DSCAML1: variants seen among roughly 807,000 people sequenced by gnomAD.
DSCAML1 encodes the protein DS cell adhesion molecule like 1, also known as cell adhesion molecule DSCAML1.
DSCAML1 carries 38 observed loss-of-function variants against 200.5 expected under a neutral mutation model. The observed-to-expected ratio is 0.19, with a 90% CI of 0.15 to 0.25. The LOEUF (loss-of-function observed/expected upper bound fraction) is 0.25. Among genes scored for constraint, DSCAML1 ranks in the 10% least tolerant of loss-of-function variants. DSCAML1 has a pLI of 1.00. For missense variants in DSCAML1, 2,223 were observed against 2,858.8 expected, an observed-to-expected ratio of 0.78 and a Z score of 5.07; for synonymous variants, 1,215 against 1,165.0, an observed-to-expected ratio of 1.04 and a Z score of -0.87.
At chr11:117,741,440 T>C (rs980224915) in intron 3 of DSCAML1, among the ~76,000 whole-genome samples, 12 of 152,252 alleles carry the variant, frequency 7.9e-5, no homozygotes, top group Admixed American at 5.9e-4. Flanking sequence ...ATGGAGCAGA[T>C]GCCCACTGCC....
chr11:117,756,574 C>T (rs529337938), intron 3 of DSCAML1, among the ~76,000 whole-genome samples: 1 of 152,118 alleles, frequency 6.6e-6, no homozygotes, highest in Admixed American at 6.5e-5. Context: ...TGTAGCTCCT[C>T]AGAGGCAGAG....
intron 8 of DSCAML1, among the ~76,000 whole-genome samples, chr11:117,507,941 C>A (rs1488693234): frequency 6.6e-6 from 1 of 152,150 alleles, no homozygotes; most frequent in Non-Finnish European, 1.5e-5. Flanking sequence ...TTCTCTGGAG[C>A]CCTGACTCTA....
At chr11:117,757,425 A>C (rs1311899479) in intron 3 of DSCAML1, among the ~76,000 whole-genome samples, 1 of 152,190 alleles carries the variant, frequency 6.6e-6, no homozygotes, top group Non-Finnish European at 1.5e-5. Context: ...GATATCCCAA[A>C]GACCCTGCAT....
intron 20 of DSCAML1, 55 bp from the exon 21 acceptor site, chr11:117,444,094 C>T: frequency 6.4e-7 from 1 of 1,552,584 alleles, no homozygotes; most frequent in East Asian, 2.3e-5. Flanking sequence ...CCTCCAGCGT[C>T]CAAATCTTCC....
intron 3 of DSCAML1, among the ~76,000 whole-genome samples, chr11:117,689,598 T>C (rs2053461397): frequency 2.0e-5 from 3 of 152,036 alleles, no homozygotes; most frequent in Admixed American, 6.5e-5. Flanking sequence ...AGATGGGACA[T>C]AGAGTGGGGG....
In DSCAML1 at chr11:117,680,735, C is replaced by T. The variant is rs114351538; in HGVS notation, c.511+96056G>A. The stretch of plus-strand genomic sequence containing the variant: ...AGGCTTCCCAAATCCTTCCGCTTTG[C>T]CAAGGAAAGATCAAACAGGGTACCT... On this transcript the variant is annotated intron_variant, in intron 3 of 32. Transcript: ENST00000651296. Among the ~76,000 whole-genome samples the T allele has an allele frequency of 1.2e-3, 189 of 152,312 alleles. 2 individuals carry two copies. The highest frequency in any genetic ancestry group is 4.4e-3 in the African/African-American group (181 of 41,562).
chr11:117,474,176 G>A (rs546558456), intron 14 of DSCAML1, among the ~76,000 whole-genome samples: 1 of 152,304 alleles, frequency 6.6e-6, no homozygotes, highest in South Asian at 2.1e-4. Flanking sequence ...TGCGACATCA[G>A]TGCTCCATCT....
intron 8 of DSCAML1, among the ~76,000 whole-genome samples, chr11:117,509,773 T>C (rs1448162503): frequency 1.3e-5 from 2 of 152,198 alleles, no homozygotes; most frequent in African/African-American, 4.8e-5. Context: ...AGTAGCTGCA[T>C]GTGTGCCTGG....
intron 11 of DSCAML1, among the ~76,000 whole-genome samples, chr11:117,485,252 A>G (rs1435029172): frequency 6.6e-6 from 1 of 152,200 alleles, no homozygotes; most frequent in Non-Finnish European, 1.5e-5. Flanking sequence ...AGCTTTGTTC[A>G]GCCCTGTGGG....
chr11:117,654,824 T>C (rs981717437), intron 3 of DSCAML1, among the ~76,000 whole-genome samples: 1 of 151,972 alleles, frequency 6.6e-6, no homozygotes, highest in African/African-American at 2.4e-5. Context: ...TGGAGGGCAC[T>C]GAGCGGGTGG....
At chr11:117,723,856 C>G (rs2054078177) in intron 3 of DSCAML1, among the ~76,000 whole-genome samples, 1 of 152,240 alleles carries the variant, frequency 6.6e-6, no homozygotes, top group Non-Finnish European at 1.5e-5. Flanking sequence ...GAAGACACAC[C>G]TATGTGGCTC....
chr11:117,790,250 C>G (rs2134069395), intron 1 of DSCAML1, among the ~76,000 whole-genome samples: 1 of 152,338 alleles, frequency 6.6e-6, no homozygotes, highest in African/African-American at 2.4e-5. Context: ...GAGAATGTCC[C>G]TTTGGGGGAG....
rs750717030 is a variant in DSCAML1, at chr11:117,780,248, G to GAAAAAGAAAGAA, written c.364+244_364+245insTTCTTTCTTTTT. 3.9e-5 allele frequency among the ~76,000 whole-genome samples: 3 copies of GAAAAAGAAAGAA among 76,670 alleles called. No homozygotes were observed. The highest frequency in any genetic ancestry group is 1.3e-4 in the African/African-American group (3 of 23,680). 50.3% of individuals were successfully genotyped at this position (76,670 alleles called of 152,430 possible). On this transcript the variant is annotated intron_variant, in intron 2 of 32. Coordinates refer to ENST00000651296, the MANE Select transcript of DSCAML1 (RefSeq NM_020693.4). The surrounding 1 kb of genome is among the most constrained non-coding windows in gnomAD (Gnocchi z 4.8). ...GAAAGAAAGGAAAGAAAGAAAGAAA[G>GAAAAAGAAAGAA]AAAGAAAGAAAGAAAGAAAGAAAGA... is the stretch of plus-strand genomic sequence containing the variant.
At chr11:117,707,241 G>A (rs1406385284) in intron 3 of DSCAML1, among the ~76,000 whole-genome samples, 1 of 152,214 alleles carries the variant, frequency 6.6e-6, no homozygotes, top group African/African-American at 2.4e-5. Context: ...CCTGCCCTGA[G>A]AATCAGCTTA....
At chr11:117,805,199 G>T (rs2055699230) in intron 1 of DSCAML1, among the ~76,000 whole-genome samples, 1 of 152,180 alleles carries the variant, frequency 6.6e-6, no homozygotes, top group Non-Finnish European at 1.5e-5. Flanking sequence ...TGAAAGTTGG[G>T]AAATGGGGTG....
chr11:117,521,040 C>A (rs2049876762), intron 6 of DSCAML1, 90 bp downstream of exon 6: 2 of 1,537,564 alleles, frequency 1.3e-6, no homozygotes, highest in Admixed American at 1.7e-5. Flanking sequence ...TGGTTTAATG[C>A]CTCCTGGCAT....
intron 3 of DSCAML1, among the ~76,000 whole-genome samples, chr11:117,708,434 T>C (rs1283756246): frequency 6.6e-6 from 1 of 152,254 alleles, no homozygotes; most frequent in Non-Finnish European, 1.5e-5. Context: ...ACCAATTAAA[T>C]TGTTTGACTT....
intron 6 of DSCAML1, among the ~76,000 whole-genome samples, chr11:117,519,822 T>A (rs2049852146): frequency 6.6e-6 from 1 of 152,146 alleles, no homozygotes; most frequent in African/African-American, 2.4e-5. Flanking sequence ...GACCCGTCTC[T>A]AAGAAACAGA....
At chr11:117,598,941 A>G (rs1296453112) in intron 3 of DSCAML1, among the ~76,000 whole-genome samples, 2 of 152,236 alleles carry the variant, frequency 1.3e-5, no homozygotes, top group African/African-American at 2.4e-5. Context: ...GGATAAATGC[A>G]CTAAAAATTT....
Sources: allele counts gnomAD v4.1 joint callset (sites outside exome capture counted in the v4.1 genomes callset), GRCh38; gene constraint gnomAD v4.1.1; non-coding constraint Gnocchi (gnomAD v3.1); transcripts MANE v1.5; gene names NCBI Gene and HGNC (gene_info 2026-07-23, HGNC 2026-07-21).